CACNA2D3: variants seen among roughly 807,000 people sequenced by gnomAD.
The protein encoded by CACNA2D3 is voltage-dependent calcium channel subunit alpha-2/delta-3.
CACNA2D3 carries 60 observed loss-of-function variants against 160.6 expected under a neutral mutation model. That is an observed-to-expected ratio of 0.37 (90% confidence interval 0.30 to 0.46). The LOEUF (loss-of-function observed/expected upper bound fraction) is 0.46, where lower values mean the gene tolerates loss of function less well. Among genes scored for constraint, CACNA2D3 ranks in the 20% least tolerant of loss-of-function variants. The pLI is 1.00. For synonymous variants in CACNA2D3, 558 were observed against 492.9 expected, an observed-to-expected ratio of 1.13 and a Z score of -1.75; for missense variants, 1,205 against 1,365.0, an observed-to-expected ratio of 0.88 and a Z score of 1.85.
chr3:54,522,257 T>G (rs114794431), intron 5 of CACNA2D3, among the ~76,000 whole-genome samples: 298 of 152,302 alleles, frequency 2.0e-3, no homozygotes, highest in African/African-American at 6.9e-3. Flanking sequence ...GTTAAATTTA[T>G]TAAATTATTT....
At chr3:54,349,305 TCCTGG>T (rs1266375940) in intron 3 of CACNA2D3, among the ~76,000 whole-genome samples, 1 of 152,178 alleles carries the variant, frequency 6.6e-6, no homozygotes, top group South Asian at 2.1e-4. Flanking sequence ...ATTGCATGCA[TCCTGG>T]CCTGGCCTCC....
chr3:54,468,895 G>C (rs78519680), intron 4 of CACNA2D3, among the ~76,000 whole-genome samples: 2 of 152,218 alleles, frequency 1.3e-5, no homozygotes, highest in East Asian at 3.9e-4. Flanking sequence ...TTCTGGGTAC[G>C]ACATCTCTGA....
intron 2 of CACNA2D3, among the ~76,000 whole-genome samples, chr3:54,211,375 T>TAG (rs1701367893): frequency 1.3e-5 from 2 of 152,346 alleles, no homozygotes; most frequent in East Asian, 3.9e-4. Flanking sequence ...CTTGTGCTCT[T>TAG]ATCCACAGTG....
At chr3:54,486,601 C>G (rs1209967938) in intron 4 of CACNA2D3, among the ~76,000 whole-genome samples, 12 of 152,232 alleles carry the variant, frequency 7.9e-5, no homozygotes, top group Admixed American at 2.0e-4. Context: ...GCTCATGACT[C>G]TGTTTCTGTT....
chr3:54,173,919 C>G (rs1184136310), intron 2 of CACNA2D3, among the ~76,000 whole-genome samples: 1 of 152,172 alleles, frequency 6.6e-6, no homozygotes, highest in South Asian at 2.1e-4. Flanking sequence ...GATTCCTGGG[C>G]CTCTGGACCC....
At chr3:54,875,706 C>T (rs750607043) in intron 18 of CACNA2D3, 11 of 152,216 alleles carry the variant, frequency 7.2e-5, no homozygotes, top group Non-Finnish European at 1.2e-4. Context: ...GCTTCTGCTT[C>T]AGCACTGCAG....
At chr3:54,723,571 C>T (rs377724021) in intron 11 of CACNA2D3, among the ~76,000 whole-genome samples, 17 of 152,334 alleles carry the variant, frequency 1.1e-4, no homozygotes, top group African/African-American at 3.8e-4. Context: ...AATCATAGGA[C>T]AAGCACAGTT....
chr3:54,296,176 G>A (rs1244880269), intron 2 of CACNA2D3, among the ~76,000 whole-genome samples: 2 of 152,176 alleles, frequency 1.3e-5, no homozygotes, highest in Non-Finnish European at 2.9e-5. Context: ...TGGGCACTGG[G>A]GTAAGAGATG....
In CACNA2D3 at chr3:54,887,412, G is replaced by T. The variant is rs1239517376; in HGVS notation, c.2057-547G>T. On this transcript the variant is annotated intron_variant, in intron 23 of 37. Transcript: ENST00000474759. ...ACTGCACTCCAGTCTGGGTGACAGA[G>T]TGAGACCGTGTCTCAAAAAAATAAA... 2.0e-5 allele frequency among the ~76,000 whole-genome samples: 3 copies of T among 152,212 alleles called. No individual in the cohort carries two copies. The East Asian group carries it at 5.8e-4, about 29-fold the overall frequency.
chr3:54,622,943 C>G (rs2106807724), intron 9 of CACNA2D3, among the ~76,000 whole-genome samples: 1 of 152,292 alleles, frequency 6.6e-6, no homozygotes, highest in Middle Eastern at 3.4e-3. Flanking sequence ...CCGATCGCAC[C>G]ATACGATGGC....
intron 4 of CACNA2D3, among the ~76,000 whole-genome samples, chr3:54,469,169 C>G (rs1034254257): frequency 1.3e-5 from 2 of 152,162 alleles, no homozygotes; most frequent in Non-Finnish European, 2.9e-5. Context: ...ACACCTCATA[C>G]AGGAGAGCTC....
chr3:54,329,037 G>A (rs1704184604), intron 3 of CACNA2D3, among the ~76,000 whole-genome samples: 1 of 152,114 alleles, frequency 6.6e-6, no homozygotes, highest in Non-Finnish European at 1.5e-5. Flanking sequence ...ACCGGGAAGG[G>A]GTCCTGTTCC....
At chr3:54,759,406 C>T (rs1311666447) in intron 12 of CACNA2D3, among the ~76,000 whole-genome samples, 1 of 150,632 alleles carries the variant, frequency 6.6e-6, no homozygotes, top group African/African-American at 2.4e-5. Flanking sequence ...TGGTTACAGC[C>T]AGATTCTAGC....
chr3:54,155,945 G>A (rs1057319206), intron 2 of CACNA2D3, among the ~76,000 whole-genome samples: 3 of 152,228 alleles, frequency 2.0e-5, no homozygotes, highest in Admixed American at 1.3e-4. Context: ...TTGTTTTCAT[G>A]TGATCTTGGC....
intron 35 of CACNA2D3, among the ~76,000 whole-genome samples, chr3:55,056,905 A>G (rs1341453180): frequency 6.6e-6 from 1 of 152,200 alleles, no homozygotes; most frequent in Non-Finnish European, 1.5e-5. Flanking sequence ...AATATAGTTA[A>G]TAATAGTGTA....
chr3:54,769,408 A>G (rs1702278771), intron 13 of CACNA2D3, among the ~76,000 whole-genome samples: 1 of 151,524 alleles, frequency 6.6e-6, no homozygotes, highest in African/African-American at 2.4e-5. Flanking sequence ...ATAGCTCTGG[A>G]TTTTTTTTTA....
At chr3:54,752,555 C>A in intron 11 of CACNA2D3, 44 bp from the exon 12 acceptor site, 2 of 1,450,096 alleles carry the variant, frequency 1.4e-6, no homozygotes, top group Non-Finnish European at 1.9e-6. Context: ...TGCAGGATGG[C>A]GAAAAGTGAA....
chr3:54,987,065 G>T (rs948086338), intron 30 of CACNA2D3, among the ~76,000 whole-genome samples: 7 of 152,178 alleles, frequency 4.6e-5, no homozygotes, highest in African/African-American at 1.7e-4. Context: ...CCTCAGGTGT[G>T]GGGTAGGCCA....
At chr3:54,522,210 A>G (rs1701656915) in intron 5 of CACNA2D3, among the ~76,000 whole-genome samples, 1 of 152,020 alleles carries the variant, frequency 6.6e-6, no homozygotes, top group African/African-American at 2.4e-5. Flanking sequence ...TTGGATCTTT[A>G]ATTTTTCTCA....
Sources: allele counts gnomAD v4.1 joint callset (sites outside exome capture counted in the v4.1 genomes callset), GRCh38; gene constraint gnomAD v4.1.1; transcripts MANE v1.5; gene names NCBI Gene and HGNC (gene_info 2026-07-23, HGNC 2026-07-21).